Variants in PLCB1 observed in about 807,000 individuals in gnomAD.
PLCB1 encodes phospholipase C beta 1, also known as 1-phosphatidylinositol 4,5-bisphosphate phosphodiesterase beta-1.
PLCB1 carries 46 observed loss-of-function variants against 161.8 expected under a neutral mutation model. The ratio of observed to expected loss-of-function variants is 0.28; its 90% CI spans 0.22 to 0.36. The LOEUF is 0.36. Among genes scored for constraint, PLCB1 ranks in the 10% least tolerant of loss-of-function variants. The probability of loss-of-function intolerance (pLI) is 1.00; values close to 1 mark genes in which losing one functional copy is unlikely to be tolerated. For missense variants in PLCB1, 1,016 were observed against 1,472.5 expected, an observed-to-expected ratio of 0.69 and a Z score of 5.07; for synonymous variants, 517 against 503.7, an observed-to-expected ratio of 1.03 and a Z score of -0.35.
intron 4 of PLCB1, among the ~76,000 whole-genome samples, chr20:8,643,561 A>G (rs1302930053): frequency 6.6e-6 from 1 of 152,126 alleles, no homozygotes; most frequent in Non-Finnish European, 1.5e-5. Context: ...TAAGTCAGGA[A>G]GCAAAAAAAA....
At chr20:8,244,696 C>T (rs993160753) in intron 2 of PLCB1, among the ~76,000 whole-genome samples, 2 of 151,812 alleles carry the variant, frequency 1.3e-5, no homozygotes, top group African/African-American at 4.8e-5. Flanking sequence ...AGGTTAGATA[C>T]TTCCCCATGT....
chr20:8,456,540 AC>A (rs1568683579), intron 3 of PLCB1, among the ~76,000 whole-genome samples: 1 of 152,176 alleles, frequency 6.6e-6, no homozygotes, highest in Admixed American at 6.5e-5. Flanking sequence ...CTTTTAATAA[AC>A]ACAAGTTTTA....
chr20:8,310,244 G>A (rs145619212), intron 2 of PLCB1, among the ~76,000 whole-genome samples: 2 of 151,966 alleles, frequency 1.3e-5, no homozygotes, highest in South Asian at 2.1e-4. Flanking sequence ...ACAAATTATC[G>A]AAATCAGCTT....
At chr20:8,290,928 A>G (rs1172182149) in intron 2 of PLCB1, among the ~76,000 whole-genome samples, 5 of 152,068 alleles carry the variant, frequency 3.3e-5, no homozygotes, top group African/African-American at 1.2e-4. Flanking sequence ...AGTTACAACT[A>G]TTGACAAGAT....
At chr20:8,818,652 A>G (rs996992) in intron 31 of PLCB1, among the ~76,000 whole-genome samples, 85,598 of 152,060 alleles carry the variant, frequency 0.56, 25,422 homozygotes, top group East Asian at 0.73. Context: ...AATATATAAC[A>G]TCATAACAAG....
At chr20:8,487,348 C>G (rs367896271) in intron 3 of PLCB1, among the ~76,000 whole-genome samples, 1 of 152,150 alleles carries the variant, frequency 6.6e-6, no homozygotes, top group African/African-American at 2.4e-5. Flanking sequence ...TTTGGCCATA[C>G]TTGGTTGGCT....
chr20:8,359,150 T>A (rs1384256255), intron 2 of PLCB1, among the ~76,000 whole-genome samples: 1 of 152,198 alleles, frequency 6.6e-6, no homozygotes, highest in Non-Finnish European at 1.5e-5. Flanking sequence ...AGTGATTGCT[T>A]TTTACTTACT....
intron 3 of PLCB1, among the ~76,000 whole-genome samples, chr20:8,448,306 G>A (rs573623664): frequency 6.4e-4 from 98 of 152,268 alleles, no homozygotes; most frequent in African/African-American, 2.3e-3. Context: ...AACCTGAAAC[G>A]CACATCAGTC....
At chr20:8,525,236 T>A (rs1984534433) in intron 3 of PLCB1, among the ~76,000 whole-genome samples, 1 of 135,502 alleles carries the variant, frequency 7.4e-6, no homozygotes, top group African/African-American at 3.0e-5. Context: ...TAAAATATCT[T>A]CTTAACCCAT....
intron 3 of PLCB1, among the ~76,000 whole-genome samples, chr20:8,469,356 A>C (rs1981952475): frequency 2.0e-5 from 3 of 152,168 alleles, no homozygotes. Context: ...TATATGCCAA[A>C]ATGTTAAAAT....
At chr20:8,691,244 G>C (rs1009188329) in intron 10 of PLCB1, among the ~76,000 whole-genome samples, 1 of 151,876 alleles carries the variant, frequency 6.6e-6, no homozygotes, top group African/African-American at 2.4e-5. Flanking sequence ...AATCAATTAA[G>C]AATGTTATAA....
At chr20:8,687,417 T>G (rs1446530130) in intron 10 of PLCB1, among the ~76,000 whole-genome samples, 1 of 152,164 alleles carries the variant, frequency 6.6e-6, no homozygotes, top group African/African-American at 2.4e-5. Context: ...AGTGGAGATT[T>G]GTAAGATGAG....
rs116011371 is a variant in PLCB1 at position 8,726,518 on chromosome 20, G to A, written c.1679-791G>A. ...CCTCAGGAAACAACAATCATGAGGC[G>A]GAAGGCACCTCTTCACAGGGCAGCA... On this transcript the variant is annotated intron_variant, in intron 16 of 31. Coordinates refer to ENST00000338037, the MANE Select transcript of PLCB1 (RefSeq NM_015192.4). Among the ~76,000 whole-genome samples, 1,033 of 152,126 alleles carry A rather than the reference G, an allele frequency of 6.8e-3. 10 individuals are homozygous for A. Among genetic ancestry groups the A allele is most frequent in the African/African-American group, 0.024 (987 of 41,526 alleles).
intron 1 of PLCB1, among the ~76,000 whole-genome samples, chr20:8,149,045 C>T (rs2051482669): frequency 6.6e-6 from 1 of 152,100 alleles, no homozygotes; most frequent in African/African-American, 2.4e-5. Context: ...CACTGAAAGG[C>T]ATATTAGAAA....
chr20:8,727,828 A>T (rs1418924722), intron 17 of PLCB1, among the ~76,000 whole-genome samples: 1 of 152,126 alleles, frequency 6.6e-6, no homozygotes, highest in African/African-American at 2.4e-5. Context: ...TATATGTACT[A>T]TATGTCCAAA....
chr20:8,379,890 AC>A (rs1457716822), intron 3 of PLCB1, among the ~76,000 whole-genome samples: 3 of 152,056 alleles, frequency 2.0e-5, no homozygotes, highest in Admixed American at 2.0e-4. Flanking sequence ...TTGATTGCAA[AC>A]ATTTTCTCCC....
At chr20:8,353,070 T>C (rs1986233892) in intron 2 of PLCB1, among the ~76,000 whole-genome samples, 1 of 152,072 alleles carries the variant, frequency 6.6e-6, no homozygotes, top group Non-Finnish European at 1.5e-5. Flanking sequence ...CTAGTGCCGT[T>C]CTTCAATAAA....
rs536686767 is a variant in PLCB1 at position 8,836,939 on chromosome 20, G to A, written c.3424-44683G>A. On this transcript the variant is annotated intron_variant, in intron 31 of 31. Coordinates refer to ENST00000338037, the MANE Select transcript of PLCB1 (RefSeq NM_015192.4). ...AAATGCAGGATCTCATCCTGTGACTGGCTGAACCAACACAATTTGAACCCT... is the reference window on the plus strand; with the variant it reads ...AAATGCAGGATCTCATCCTGTGACTAGCTGAACCAACACAATTTGAACCCT... Among the ~76,000 whole-genome samples the A allele has an allele frequency of 3.0e-4, 46 of 152,218 alleles. 1 individual carries two copies. The highest frequency in any genetic ancestry group is 1.0e-3 in the African/African-American group (43 of 41,544).
chr20:8,384,680 G>A (rs577877212), intron 3 of PLCB1, among the ~76,000 whole-genome samples: 1 of 152,182 alleles, frequency 6.6e-6, no homozygotes, highest in Admixed American at 6.5e-5. Context: ...TGATCTTTGA[G>A]GCTGCTGACC....
Sources: gnomAD v4.1 joint callset for allele counts (sites outside exome capture counted in the v4.1 genomes callset) on GRCh38, gnomAD v4.1.1 for gene constraint, MANE v1.5 for transcripts, NCBI Gene and HGNC (gene_info 2026-07-23, HGNC 2026-07-21) for gene names.